Variants in ZNF407 observed in about 807,000 individuals in gnomAD.
ZNF407 encodes zinc finger protein 407.
A neutral mutation model predicts 131.2 loss-of-function variants in ZNF407; 17 were observed. That is an observed-to-expected ratio of 0.13 (90% CI 0.09 to 0.19). The LOEUF is 0.19. Ranked by LOEUF, ZNF407 falls within the 10% of genes least tolerant of loss-of-function variation. The pLI is 1.00. For missense variants in ZNF407, 2,681 were observed against 2,830.6 expected (o/e 0.95, Z 1.20); for synonymous variants, 1,156 against 1,062.0 (o/e 1.09, Z -1.72).
intron 8 of ZNF407, among the ~76,000 whole-genome samples, chr18:75,002,417 C>T (rs1972856134): frequency 6.6e-6 from 1 of 152,062 alleles, no homozygotes; most frequent in Non-Finnish European, 1.5e-5. Context: ...TAGACTGGAA[C>T]ATTTACGTTC....
intron 8 of ZNF407, among the ~76,000 whole-genome samples, chr18:75,001,151 G>A (rs1022574959): frequency 5.3e-5 from 8 of 152,200 alleles, no homozygotes; most frequent in African/African-American, 1.9e-4. Flanking sequence ...CCAGGGCCTG[G>A]CAGGGTTTCT....
At chr18:74,980,255 CTTTTT>C (rs5826360) in intron 8 of ZNF407, among the ~76,000 whole-genome samples, 1 of 138,800 alleles carries the variant, frequency 7.2e-6, no homozygotes, top group African/African-American at 2.6e-5. Flanking sequence ...CTTCCCCATG[CTTTTT>C]TTTTTTTTTT....
chr18:74,720,402 A>G (rs532473018), intron 3 of ZNF407, among the ~76,000 whole-genome samples: 2 of 151,608 alleles, frequency 1.3e-5, no homozygotes, highest in African/African-American at 4.8e-5. Context: ...GTGGTGATTA[A>G]TCCCTCGTTG....
At chr18:74,598,459 C>T (rs1263570796) in intron 1 of ZNF407, 1 of 152,364 alleles carries the variant, frequency 6.6e-6, no homozygotes, top group Non-Finnish European at 1.5e-5. Flanking sequence ...CAGATGCTCC[C>T]CTAGCTGCAC....
intron 3 of ZNF407, among the ~76,000 whole-genome samples, chr18:74,683,492 T>C (rs1205722072): frequency 6.6e-6 from 1 of 152,236 alleles, no homozygotes; most frequent in African/African-American, 2.4e-5. Flanking sequence ...GTTTTTGCTC[T>C]GAAGAACACT....
chr18:74,939,440 A>G (rs763506673), intron 8 of ZNF407, among the ~76,000 whole-genome samples: 3 of 152,234 alleles, frequency 2.0e-5, no homozygotes, highest in Non-Finnish European at 4.4e-5. Flanking sequence ...AAAATTTATA[A>G]CATGTAAGAC....
chr18:75,054,747 C>G (rs1033598512), intron 8 of ZNF407, among the ~76,000 whole-genome samples: 4 of 152,186 alleles, frequency 2.6e-5, no homozygotes, highest in Non-Finnish European at 5.9e-5. Context: ...AATGCCTATT[C>G]CAGTTTGTTA....
At chr18:74,956,751 G>A (rs549862777) in intron 8 of ZNF407, among the ~76,000 whole-genome samples, 2 of 152,156 alleles carry the variant, frequency 1.3e-5, no homozygotes, top group Non-Finnish European at 2.9e-5. Flanking sequence ...TGGGGTGGAT[G>A]TAGTGTCTTG....
chr18:75,029,572 TGTGTGCGTGC>T (rs771601923), intron 8 of ZNF407, among the ~76,000 whole-genome samples: 115 of 144,744 alleles, frequency 7.9e-4, no homozygotes, highest in Middle Eastern at 3.5e-3. Context: ...GGGCGGAGTG[TGTGTGCGTGC>T]GTGTGTGTGC....
chr18:75,045,218 TCAG>T (rs1329744931), intron 8 of ZNF407, among the ~76,000 whole-genome samples: 1 of 152,188 alleles, frequency 6.6e-6, no homozygotes, highest in East Asian at 1.9e-4. Flanking sequence ...TGTGATCGTC[TCAG>T]CAGAAAGTTT....
chr18:75,036,667 GA>G (rs1973312253), intron 8 of ZNF407, among the ~76,000 whole-genome samples: 1 of 152,224 alleles, frequency 6.6e-6, no homozygotes, highest in Non-Finnish European at 1.5e-5. Flanking sequence ...AAAATGACAA[GA>G]AAGGGTGGTA....
chr18:74,639,934 C>A (rs529790982), intron 2 of ZNF407, among the ~76,000 whole-genome samples: 31 of 151,834 alleles, frequency 2.0e-4, no homozygotes, highest in Non-Finnish European at 4.4e-5. Context: ...TGATTTATTA[C>A]AATTTTTTAA....
At chr18:74,897,654 T>A (rs887185847) in intron 7 of ZNF407, among the ~76,000 whole-genome samples, 3 of 152,208 alleles carry the variant, frequency 2.0e-5, no homozygotes, top group Admixed American at 6.5e-5. Context: ...GGCAATAGTC[T>A]CTTGCATAAT....
At chr18:74,795,740 C>T (rs1446932642) in intron 4 of ZNF407, among the ~76,000 whole-genome samples, 1 of 152,234 alleles carries the variant, frequency 6.6e-6, no homozygotes, top group Non-Finnish European at 1.5e-5. Context: ...GACCTTTAAA[C>T]TCTTTCTTTG....
intron 4 of ZNF407, among the ~76,000 whole-genome samples, chr18:74,851,370 C>G (rs1970780842): frequency 6.6e-6 from 1 of 152,100 alleles, no homozygotes; most frequent in Non-Finnish European, 1.5e-5. Context: ...TGGCAGTATT[C>G]CCTGATATAA....
intron 4 of ZNF407, among the ~76,000 whole-genome samples, chr18:74,828,164 G>A (rs185179434): frequency 6.6e-6 from 1 of 152,262 alleles, no homozygotes; most frequent in East Asian, 1.9e-4. Context: ...TAACTGGGAC[G>A]ACCAGAGTGA....
At chr18:75,045,662 G>C (rs1439119901) in intron 8 of ZNF407, among the ~76,000 whole-genome samples, 1 of 152,146 alleles carries the variant, frequency 6.6e-6, no homozygotes, top group Admixed American at 6.5e-5. Context: ...CGCTTTCTTT[G>C]CTGCACCGTT....
intron 3 of ZNF407, among the ~76,000 whole-genome samples, chr18:74,684,061 A>G (rs1444889292): frequency 6.6e-6 from 1 of 152,194 alleles, no homozygotes; most frequent in African/African-American, 2.4e-5. Context: ...ATCATATATT[A>G]GTATGTTCAA....
intron 7 of ZNF407, among the ~76,000 whole-genome samples, chr18:74,892,831 C>T (rs759049987): frequency 1.4e-4 from 21 of 152,040 alleles, no homozygotes; most frequent in Non-Finnish European, 2.9e-4. Flanking sequence ...ACACATAGGC[C>T]GTTTTCAGGC....
Sources: gnomAD v4.1 joint callset for allele counts (sites outside exome capture counted in the v4.1 genomes callset) on GRCh38, gnomAD v4.1.1 for gene constraint, MANE v1.5 for transcripts, NCBI Gene and HGNC (gene_info 2026-07-23, HGNC 2026-07-21) for gene names.